Variants in RGS3 observed in about 807,000 individuals in gnomAD.
The protein encoded by RGS3 is regulator of G-protein signalling 3.
RGS3 carries 80 observed loss-of-function variants against 132.6 expected under a neutral mutation model. The ratio of observed to expected loss-of-function variants is 0.60; its 90% CI spans 0.50 to 0.73. RGS3 has a LOEUF of 0.73. Among genes scored for constraint, RGS3 ranks in the 30% least tolerant of loss-of-function variants. RGS3 has a pLI of 0.00. For synonymous variants in RGS3, 598 were observed against 620.6 expected (o/e 0.96, Z 0.54); for missense variants, 1,382 against 1,530.8 (o/e 0.90, Z 1.62).
rs978853186 is a variant in RGS3, at chr9:113,591,414, C to T, written c.3080+17C>T. 1.9e-6 allele frequency: 3 copies of T among 1,610,346 alleles called. No individual in the cohort carries two copies. Among genetic ancestry groups the T allele is most frequent in the African/African-American group, 2.7e-5 (2 of 74,846 alleles). ...CAAAAACCTGTACGTTGGGAAGATC[C>T]CTGGCTTCTGCGCTCCTCTTCCTCC... On this transcript the variant is annotated intron_variant, in intron 21 of 24. Coordinates refer to ENST00000350696, the Ensembl canonical transcript of RGS3. This position sits in a 1 kb window ranked among gnomAD's most constrained non-coding sequence, Gnocchi z 4.4.
In RGS3 at chr9:113,485,807, G is replaced by A. The variant is rs552812885; in HGVS notation, c.689+114G>A. 968 of 704,478 alleles carry A rather than the reference G, an allele frequency of 1.4e-3. 2 individuals carry two copies. Among genetic ancestry groups the A allele is most frequent in the Non-Finnish European group, 1.8e-3 (736 of 406,276 alleles). 43.6% of individuals were successfully genotyped at this position (704,478 alleles called of 1,614,324 possible). On this transcript the variant is annotated intron_variant, in intron 7 of 24. Coordinates refer to ENST00000350696, the Ensembl canonical transcript of RGS3. ...GTGCTTTCTGGATAAATGAGTGATA[G>A]TGGCAATACTAAATTGCAGAGGCTG...
intron 3 of RGS3, among the ~76,000 whole-genome samples, chr9:113,467,732 G>A (rs932380604): frequency 6.6e-6 from 1 of 151,996 alleles, no homozygotes. Context: ...TGGGGATGGG[G>A]TCTTGTTTTG....
chr9:113,503,097 G>T (rs1054722319), intron 10 of RGS3, among the ~76,000 whole-genome samples: 1 of 152,182 alleles, frequency 6.6e-6, no homozygotes, highest in African/African-American at 2.4e-5. Flanking sequence ...GGCTGGCATG[G>T]GTGAGACCTG....
In RGS3 at chr9:113,495,787, CAG is replaced by C. The variant is rs759646224; in HGVS notation, c.694_695del (p.Ser232TrpfsTer61). 1.8e-5 allele frequency: 29 copies of C among 1,613,916 alleles called. No individual in the cohort carries two copies. Among genetic ancestry groups the C allele is most frequent in the Non-Finnish European group, 2.0e-5 (24 of 1,179,852 alleles). On this transcript the variant is annotated frameshift_variant and splice_region_variant, in exon 8 of 25. Coordinates refer to ENST00000350696, the Ensembl canonical transcript of RGS3. LOFTEE classifies it high-confidence loss of function. ...CTCAAGTCTCACTTGTTCTCCCAGA[CAG>C]AGTGGACTCATTGGCTGCATGAGCT...
rs1341189960 is a variant in RGS3 at position 113,534,535 on chromosome 9, A to G, written c.1915-2261A>G. On this transcript the variant is annotated intron_variant, in intron 18 of 24. Transcript: ENST00000350696. ...ATATCTAATACAATGTAAGTTCTGT[A>G]TAAATAGTTGTTAAACTGTATTGTT... Among the ~76,000 whole-genome samples, 5 of 152,302 alleles carry G rather than the reference A, an allele frequency of 3.3e-5. No individual in the cohort carries two copies. In the East Asian group the frequency reaches 7.7e-4, roughly 23 times the overall value.
chr9:113,501,087 A>C lies in RGS3; in HGVS notation c.897+3007A>C, dbSNP rs957555151. 2.5e-4 allele frequency among the ~76,000 whole-genome samples: 38 copies of C among 151,758 alleles called. No homozygotes were observed. In the East Asian group the frequency reaches 2.5e-3, roughly 10 times the overall value. ...TGAGATGGGATGTCTGTGAGTGCAAACCCCCCCAAGGTATCCTTGGATTCT... is the reference window on the plus strand; with the variant it reads ...TGAGATGGGATGTCTGTGAGTGCAACCCCCCCCAAGGTATCCTTGGATTCT... On this transcript the variant is annotated intron_variant, in intron 10 of 24. Coordinates refer to ENST00000350696, the Ensembl canonical transcript of RGS3.
intron 1 of RGS3, among the ~76,000 whole-genome samples, chr9:113,451,254 C>T (rs934497200): frequency 1.3e-5 from 2 of 151,706 alleles, no homozygotes; most frequent in African/African-American, 4.8e-5. Context: ...AAAGGCAATA[C>T]ATGCCACTTC....
intron 16 of RGS3, among the ~76,000 whole-genome samples, chr9:113,518,958 T>A (rs1033003347): frequency 6.6e-6 from 1 of 152,212 alleles, no homozygotes; most frequent in East Asian, 1.9e-4. Context: ...CAGTTAGAGA[T>A]GGCAGCCACC....
At chr9:113,485,360 A>G (rs1830300228) in intron 6 of RGS3, among the ~76,000 whole-genome samples, 1 of 152,188 alleles carries the variant, frequency 6.6e-6, no homozygotes, top group Non-Finnish European at 1.5e-5. Flanking sequence ...AAGTGCTGGG[A>G]TTACAGGCAT....
chr9:113,506,633 C>G lies in RGS3; in HGVS notation c.1085+140C>G. The stretch of plus-strand genomic sequence containing the variant: ...TGAGCAGGCAATTCCTTTTGCTCTT[C>G]AAGGAATCTGTTTCTTGGCCTGAGA... On this transcript the variant is annotated intron_variant, in intron 12 of 24. Coordinates refer to ENST00000350696, the Ensembl canonical transcript of RGS3. The surrounding 1 kb of genome is among the most constrained non-coding windows in gnomAD (Gnocchi z 4.7). 1 of 623,256 alleles carries G rather than the reference C, an allele frequency of 1.6e-6. No individual in the cohort carries two copies. The highest frequency in any genetic ancestry group is 2.9e-6 in the Non-Finnish European group (1 of 345,076). The allele number at this position is 623,256 out of a possible 1,614,324, so 38.6% of individuals were successfully genotyped here.
chr9:113,532,366 CTT>C (rs533321430), intron 18 of RGS3, among the ~76,000 whole-genome samples: 32 of 150,524 alleles, frequency 2.1e-4, no homozygotes, highest in African/African-American at 7.4e-4. Flanking sequence ...TGCTCTCTCT[CTT>C]GGCTTGGCCA....
At chr9:113,533,977 G>T (rs1485543408) in intron 18 of RGS3, among the ~76,000 whole-genome samples, 1 of 152,210 alleles carries the variant, frequency 6.6e-6, no homozygotes, top group Non-Finnish European at 1.5e-5. Flanking sequence ...CCTGAAACCA[G>T]CAGGCAGGGC....
At position 113,523,051 on chromosome 9, in the gene RGS3, T is replaced by C. The variant is rs1345109720; in HGVS notation, c.1870+10T>C. ...GTGAAGCTGCAGGAAGGTAAGCAGA[T>C]GCCGTAGGTGCCCAGAGCCCCTCTC... On this transcript the variant is annotated intron_variant, in intron 17 of 24. Coordinates refer to ENST00000350696, the Ensembl canonical transcript of RGS3. 2 of 1,550,842 alleles carry C rather than the reference T, an allele frequency of 1.3e-6. No individual in the cohort carries two copies. The highest frequency in any genetic ancestry group is 8.9e-7 in the Non-Finnish European group (1 of 1,122,546).
chr9:113,512,606 G>A (rs898825237), intron 14 of RGS3, among the ~76,000 whole-genome samples: 1 of 152,180 alleles, frequency 6.6e-6, no homozygotes, highest in African/African-American at 2.4e-5. Context: ...GGCTGTGGGT[G>A]CGCGTTGGTG....
chr9:113,472,881 A>T (rs1480968823), intron 3 of RGS3, among the ~76,000 whole-genome samples: 2 of 152,088 alleles, frequency 1.3e-5, no homozygotes, highest in African/African-American at 4.8e-5. Flanking sequence ...TCTACAAAAA[A>T]TACAAAAAAT....
At chr9:113,538,132 G>C (rs759620276) in intron 19 of RGS3, among the ~76,000 whole-genome samples, 2 of 152,212 alleles carry the variant, frequency 1.3e-5, no homozygotes, top group Admixed American at 6.5e-5. Flanking sequence ...TCAAAGGGTT[G>C]TTGTGAGAAT....
At chr9:113,475,690 A>G (rs1829971116) in intron 3 of RGS3, among the ~76,000 whole-genome samples, 3 of 150,356 alleles carry the variant, frequency 2.0e-5, no homozygotes, top group Admixed American at 6.6e-5. Context: ...GATTACAGGC[A>G]TGAGCGACCA....
intron 1 of RGS3, among the ~76,000 whole-genome samples, chr9:113,452,045 C>T (rs1280905969): frequency 1.3e-5 from 2 of 152,086 alleles, no homozygotes; most frequent in African/African-American, 4.8e-5. Flanking sequence ...GTTGCCCAGG[C>T]TGGAGTCCAA....
At chr9:113,502,285 G>A (rs1382062538) in intron 10 of RGS3, among the ~76,000 whole-genome samples, 3 of 152,230 alleles carry the variant, frequency 2.0e-5, no homozygotes, top group African/African-American at 7.2e-5. Context: ...AATGGGGTTA[G>A]GGATGGTGAA....
Sources: allele counts gnomAD v4.1 joint callset (sites outside exome capture counted in the v4.1 genomes callset), GRCh38; gene constraint gnomAD v4.1.1; non-coding constraint Gnocchi (gnomAD v3.1); transcripts MANE v1.5; gene names NCBI Gene and HGNC (gene_info 2026-07-23, HGNC 2026-07-21).